Variants in SYNE2 observed in about 807,000 individuals in gnomAD.
SYNE2 encodes the protein nesprin-2.
Under a neutral mutation model 856.3 loss-of-function variants are expected in SYNE2, and 431 were observed. The observed-to-expected ratio is 0.50, with a 90% confidence interval of 0.47 to 0.55. The LOEUF is 0.55. SYNE2 is among the 20% of genes least tolerant of loss of function. The pLI is 0.00. For synonymous variants in SYNE2, 2,923 were observed against 2,872.3 expected (o/e 1.02, Z -0.56); for missense variants, 8,129 against 8,023.2 (o/e 1.01, Z -0.50).
intron 1 of SYNE2, among the ~76,000 whole-genome samples, chr14:63,907,155 G>A (rs894346274): frequency 6.6e-6 from 1 of 152,176 alleles, no homozygotes; most frequent in African/African-American, 2.4e-5. Flanking sequence ...TGCTCTCAGA[G>A]TACCTTCTGT....
rs1326817024 is a variant in SYNE2 at position 64,021,374 on chromosome 14, A to G, written c.5211A>G (p.Glu1737=). 2 of 1,614,040 alleles carry G rather than the reference A, an allele frequency of 1.2e-6. No homozygotes were observed. Among genetic ancestry groups the G allele is most frequent in the African/African-American group, 1.3e-5 (1 of 74,922 alleles). Reference sequence around the variant, plus strand: ...ATGTACAGAAGTGCTTAACAGGAGAATCCAACTGCCATGCACTCAGTGGCA... The same window carrying G: ...ATGTACAGAAGTGCTTAACAGGAGAGTCCAACTGCCATGCACTCAGTGGCA... The part of the protein sequence containing the change: ...MEHVQKCLTG[E]SNCHALSGST... The change falls in exon 36 of 116, where the codon GAA becomes GAG. Residue 1737 remains glutamate (E), a synonymous_variant. Transcript: ENST00000555002.
Position 63,807,851 on chromosome 14 carries a change from AT to A in SYNE2, c.-304-44649del, listed in dbSNP as rs1338687309. On this transcript the variant is annotated intron_variant, in intron 1 of 23. Transcript: ENST00000674003. ...TATATATATATATATATATATATAT[AT>A]ATATATATATATAATTTCAATAGTT... Among the ~76,000 whole-genome samples the A allele has an allele frequency of 1.2e-3, 124 of 101,214 alleles. 9 individuals are homozygous for A. The South Asian group carries it at 0.04, about 32-fold the overall frequency. 66.4% of individuals were successfully genotyped at this position (101,214 alleles called of 152,430 possible).
At chr14:63,890,792 T>C (rs2095113004) in intron 1 of SYNE2, among the ~76,000 whole-genome samples, 1 of 152,230 alleles carries the variant, frequency 6.6e-6, no homozygotes, top group Non-Finnish European at 1.5e-5. Flanking sequence ...ATCTTGAGGT[T>C]AGGAAGATTG....
intron 1 of SYNE2, among the ~76,000 whole-genome samples, chr14:63,832,762 C>T (rs939840470): frequency 2.0e-5 from 3 of 150,572 alleles, no homozygotes; most frequent in Admixed American, 1.3e-4. Flanking sequence ...GGTGCCATGG[C>T]TCACACCTGT....
chr14:64,076,468 A>C (rs1359948429), intron 54 of SYNE2, among the ~76,000 whole-genome samples: 1 of 152,198 alleles, frequency 6.6e-6, no homozygotes, highest in Admixed American at 6.5e-5. Flanking sequence ...ACATTTTGAC[A>C]TTACAACTAA....
intron 84 of SYNE2, among the ~76,000 whole-genome samples, chr14:64,151,420 TAAAAAAAAAAAAAAA>T (rs540541655): frequency 1.0e-4 from 2 of 19,340 alleles, no homozygotes; most frequent in East Asian, 5.7e-3. Context: ...ACAAAGGATT[TAAAAAAAAAAAAAAA>T]AAAAAAAAAA....
Position 63,770,758 on chromosome 14 carries a change from C to T in SYNE2, c.-305+8772C>T, listed in dbSNP as rs536593655. On this transcript the variant is annotated intron_variant, in intron 1 of 23. Transcript: ENST00000674003. ...TGAGCTGTGATTGTGCCACTGCACTCCAGCCTGGGTGACAGAGCAAGATCC... is the reference window on the plus strand; with the variant it reads ...TGAGCTGTGATTGTGCCACTGCACTTCAGCCTGGGTGACAGAGCAAGATCC... 3.3e-5 allele frequency among the ~76,000 whole-genome samples: 5 copies of T among 152,204 alleles called. No homozygotes were observed. In the East Asian group the frequency reaches 9.7e-4, roughly 29 times the overall value.
chr14:63,793,769 C>CA (rs1167935186), intron 1 of SYNE2, among the ~76,000 whole-genome samples: 1 of 140,186 alleles, frequency 7.1e-6, no homozygotes, highest in Non-Finnish European at 1.6e-5. Flanking sequence ...AGGCCCCCCC[C>CA]CAACTAAAAA....
intron 1 of SYNE2, among the ~76,000 whole-genome samples, chr14:63,785,045 A>G (rs1887465482): frequency 6.6e-6 from 1 of 152,162 alleles, no homozygotes; most frequent in African/African-American, 2.4e-5. Flanking sequence ...CTTAAGGAAA[A>G]CAAACCCTCT....
intron 2 of SYNE2, among the ~76,000 whole-genome samples, chr14:63,912,406 G>A (rs909160698): frequency 2.0e-5 from 3 of 152,138 alleles, no homozygotes; most frequent in Non-Finnish European, 1.5e-5. Flanking sequence ...AAGGCTGTTG[G>A]TGGTAGTCTT....
intron 73 of SYNE2, 140 bp from the exon 74 acceptor site, chr14:64,128,309 AATG>A (rs990599996): frequency 3.2e-6 from 2 of 628,446 alleles, no homozygotes; most frequent in African/African-American, 3.7e-5. Flanking sequence ...GTTGAAGTTT[AATG>A]ATGATAAAAT....
At chr14:63,983,323 AAGAG>A (rs2096600857) in intron 17 of SYNE2, among the ~76,000 whole-genome samples, 2 of 152,222 alleles carry the variant, frequency 1.3e-5, no homozygotes, top group Admixed American at 1.3e-4. Context: ...GTGTATGCTC[AAGAG>A]AGCTTTCAGT....
chr14:64,106,143 C>G (rs976440515), intron 64 of SYNE2, among the ~76,000 whole-genome samples: 3 of 132,230 alleles, frequency 2.3e-5, no homozygotes, highest in Admixed American at 1.5e-4. Flanking sequence ...CCCCCCCCCC[C>G]AACCAACACA....
chr14:64,067,144 CA>C (rs1335703319), intron 51 of SYNE2, among the ~76,000 whole-genome samples: 7 of 152,080 alleles, frequency 4.6e-5, no homozygotes, highest in Non-Finnish European at 1.0e-4. Flanking sequence ...TAATTATTCA[CA>C]TAAGCATTTG....
intron 79 of SYNE2, among the ~76,000 whole-genome samples, chr14:64,138,437 T>C (rs1237720415): frequency 6.6e-6 from 1 of 152,112 alleles, no homozygotes; most frequent in Non-Finnish European, 1.5e-5. Context: ...TCTCACATTG[T>C]TGCCCAGGGT....
intron 79 of SYNE2, among the ~76,000 whole-genome samples, chr14:64,138,991 A>C (rs2098120035): frequency 7.3e-6 from 1 of 136,894 alleles, no homozygotes. Flanking sequence ...ATGTAATTTT[A>C]TTTATTTTTT....
At chr14:64,193,313 G>A (rs2098526443) in intron 99 of SYNE2, among the ~76,000 whole-genome samples, 1 of 152,218 alleles carries the variant, frequency 6.6e-6, no homozygotes, top group Non-Finnish European at 1.5e-5. Flanking sequence ...ACTTTGGGAG[G>A]CTGAAGCCAG....
intron 65 of SYNE2, among the ~76,000 whole-genome samples, chr14:64,109,077 G>C (rs993866804): frequency 6.6e-6 from 1 of 151,840 alleles, no homozygotes; most frequent in African/African-American, 2.4e-5. Context: ...GTTCTGCCAT[G>C]TTGCCCAGGC....
Position 64,002,086 on chromosome 14 carries a change from G to T in SYNE2, c.3786+5G>T. On this transcript the variant is annotated splice_donor_5th_base_variant and intron_variant, in intron 29 of 115. Transcript: ENST00000555002. The stretch of plus-strand genomic sequence containing the variant: ...CGCATCTATCAACACCTAAGGGTAA[G>T]TATATAAGTTCTCACAGTGTATTTA... 6.2e-7 allele frequency: 1 copy of T among 1,603,030 alleles called. No homozygotes were observed. Among genetic ancestry groups the T allele is most frequent in the East Asian group, 2.2e-5 (1 of 44,812 alleles).
Sources: gnomAD v4.1 joint callset for allele counts (sites outside exome capture counted in the v4.1 genomes callset) on GRCh38, gnomAD v4.1.1 for gene constraint, MANE v1.5 for transcripts, NCBI Gene and HGNC (gene_info 2026-07-23, HGNC 2026-07-21) for gene names.